FHIT: variants seen among roughly 807,000 people sequenced by gnomAD.
FHIT encodes the protein bis(5'-adenosyl)-triphosphatase.
FHIT carries 19 observed loss-of-function variants against 17.9 expected under a neutral mutation model. The ratio of observed to expected loss-of-function variants is 1.06; its 90% CI spans 0.74 to 1.56. FHIT has a LOEUF of 1.56. Ranked by LOEUF, FHIT falls within the 40% of genes most tolerant of loss-of-function variation. FHIT has a pLI of 0.00. For synonymous variants in FHIT, 81 were observed against 69.7 expected (o/e 1.16, Z -0.81); for missense variants, 248 against 189.2 (o/e 1.31, Z -1.82).
intron 2 of FHIT, among the ~76,000 whole-genome samples, chr3:61,071,829 G>C (rs1435567712): frequency 6.6e-6 from 1 of 152,160 alleles, no homozygotes; most frequent in Admixed American, 6.5e-5. Flanking sequence ...GTTATGGCTA[G>C]ATAGTGAAGT....
At chr3:59,800,288 G>A (rs1004210430) in intron 8 of FHIT, among the ~76,000 whole-genome samples, 1 of 152,164 alleles carries the variant, frequency 6.6e-6, no homozygotes, top group African/African-American at 2.4e-5. Flanking sequence ...TTGCTTTGCA[G>A]GTAGAGGAAT....
At position 60,553,119 on chromosome 3, in the gene FHIT, T is replaced by G. The variant is rs200395317; in HGVS notation, c.-17-16140A>C. 4.5e-3 allele frequency among the ~76,000 whole-genome samples: 681 copies of G among 152,316 alleles called. 2 individuals are homozygous for G. Among genetic ancestry groups the G allele is most frequent in the Non-Finnish European group, 7.1e-3 (481 of 68,032 alleles). Reference sequence around the variant, plus strand: ...GCAATGAATGGGTAAATAATTATCTTGCTTTTATTAATCTTTCTTATAATA... The same window carrying G: ...GCAATGAATGGGTAAATAATTATCTGGCTTTTATTAATCTTTCTTATAATA... On this transcript the variant is annotated intron_variant, in intron 4 of 9. Coordinates refer to ENST00000492590, the MANE Select transcript of FHIT (RefSeq NM_002012.4).
intron 4 of FHIT, among the ~76,000 whole-genome samples, chr3:60,649,093 A>G (rs1553687559): frequency 6.6e-6 from 1 of 152,220 alleles, no homozygotes; most frequent in East Asian, 1.9e-4. Flanking sequence ...GTGCAAAGAT[A>G]TACATACAAA....
At chr3:59,989,111 T>G (rs1709113875) in intron 7 of FHIT, among the ~76,000 whole-genome samples, 1 of 151,948 alleles carries the variant, frequency 6.6e-6, no homozygotes, top group Non-Finnish European at 1.5e-5. Context: ...TACCTGGAAA[T>G]TGGAAAAAAT....
intron 5 of FHIT, among the ~76,000 whole-genome samples, chr3:60,535,384 G>A (rs1234136511): frequency 6.6e-6 from 1 of 152,158 alleles, no homozygotes; most frequent in Non-Finnish European, 1.5e-5. Flanking sequence ...CACCTAGAGA[G>A]AGATGGCATT....
intron 5 of FHIT, among the ~76,000 whole-genome samples, chr3:60,211,127 T>C (rs1172594711): frequency 6.7e-6 from 1 of 148,362 alleles, no homozygotes; most frequent in Non-Finnish European, 1.5e-5. Flanking sequence ...GAAATCATTC[T>C]AGAAAGTGCA....
At chr3:59,941,043 G>T (rs566545511) in intron 7 of FHIT, among the ~76,000 whole-genome samples, 2 of 151,962 alleles carry the variant, frequency 1.3e-5, no homozygotes, top group Non-Finnish European at 2.9e-5. Context: ...CACTTAGTAG[G>T]CACCCAATAG....
chr3:59,769,703 G>T (rs768910762), intron 8 of FHIT, among the ~76,000 whole-genome samples: 1 of 150,734 alleles, frequency 6.6e-6, no homozygotes. Context: ...TTCCAATAAC[G>T]TGTTTTCTCA....
At chr3:61,168,771 A>T (rs1424232202) in intron 2 of FHIT, among the ~76,000 whole-genome samples, 1 of 152,270 alleles carries the variant, frequency 6.6e-6, no homozygotes, top group Non-Finnish European at 1.5e-5. Flanking sequence ...TATGAAAATG[A>T]ATTCTTACAA....
chr3:60,570,184 A>C (rs763423622), intron 4 of FHIT, among the ~76,000 whole-genome samples: 11 of 152,142 alleles, frequency 7.2e-5, no homozygotes, highest in Non-Finnish European at 1.3e-4. Flanking sequence ...TCACTGTCAG[A>C]GTTTCAGGGA....
intron 5 of FHIT, among the ~76,000 whole-genome samples, chr3:60,036,332 T>C (rs1259383180): frequency 1.3e-5 from 2 of 152,204 alleles, no homozygotes; most frequent in Admixed American, 6.5e-5. Flanking sequence ...ATATGGTTAA[T>C]ATACAGAGCA....
chr3:60,359,277 C>CTTTTTTTTTT (rs71089599), intron 5 of FHIT, among the ~76,000 whole-genome samples: 3 of 109,910 alleles, frequency 2.7e-5, no homozygotes, highest in African/African-American at 3.5e-5. Context: ...ATGAAAATAT[C>CTTTTTTTTTT]TTTTTTTTTT....
At chr3:59,890,080 A>G (rs1703790297) in intron 8 of FHIT, among the ~76,000 whole-genome samples, 1 of 152,202 alleles carries the variant, frequency 6.6e-6, no homozygotes, top group Admixed American at 6.5e-5. Flanking sequence ...AGTTAACAGC[A>G]CTGTCATAGG....
At chr3:60,033,627 A>T (rs565614588) in intron 5 of FHIT, among the ~76,000 whole-genome samples, 1 of 151,924 alleles carries the variant, frequency 6.6e-6, no homozygotes, top group East Asian at 1.9e-4. Context: ...TACTTCTAGC[A>T]ATTGCCTTAA....
chr3:61,205,849 T>A (rs998712931), intron 1 of FHIT, among the ~76,000 whole-genome samples: 1 of 150,814 alleles, frequency 6.6e-6, no homozygotes, highest in African/African-American at 2.4e-5. Flanking sequence ...AATTTTGTCT[T>A]TTAATGCCAT....
chr3:61,035,130 G>C (rs1013267155), intron 3 of FHIT, among the ~76,000 whole-genome samples: 1 of 152,108 alleles, frequency 6.6e-6, no homozygotes, highest in African/African-American at 2.4e-5. Context: ...TGGCTGACAA[G>C]GGTTTGGGGA....
chr3:59,820,351 A>T (rs1254174332), intron 8 of FHIT, among the ~76,000 whole-genome samples: 1 of 152,198 alleles, frequency 6.6e-6, no homozygotes, highest in East Asian at 1.9e-4. Flanking sequence ...TACAGTGAAC[A>T]ACTTAGTACC....
intron 4 of FHIT, among the ~76,000 whole-genome samples, chr3:60,802,863 A>G (rs1553732749): frequency 6.6e-6 from 1 of 152,168 alleles, no homozygotes; most frequent in Admixed American, 6.5e-5. Context: ...ATACGTTGGT[A>G]TGAGATAAAG....
chr3:60,673,952 T>C (rs534956167), intron 4 of FHIT, among the ~76,000 whole-genome samples: 1 of 152,286 alleles, frequency 6.6e-6, no homozygotes, highest in Non-Finnish European at 1.5e-5. Context: ...TTTTTCACTA[T>C]ATTTGGGAAA....
Sources: gnomAD v4.1 joint callset for allele counts (sites outside exome capture counted in the v4.1 genomes callset) on GRCh38, gnomAD v4.1.1 for gene constraint, MANE v1.5 for transcripts, NCBI Gene and HGNC (gene_info 2026-07-23, HGNC 2026-07-21) for gene names.